Variants in HMCN2 observed in about 807,000 individuals in gnomAD.
HMCN2 encodes the protein hemicentin-2.
In HMCN2, 325 loss-of-function variants were observed where a neutral mutation model predicts 377.5. The ratio of observed to expected loss-of-function variants is 0.86; its 90% CI spans 0.79 to 0.94. HMCN2 has a LOEUF of 0.94. Among genes scored for constraint, HMCN2 ranks in the 40% least tolerant of loss-of-function variants. HMCN2 has a pLI of 0.00. For missense variants in HMCN2, 4,543 were observed against 4,725.3 expected, an observed-to-expected ratio of 0.96 and a Z score of 1.13; for synonymous variants, 2,007 against 2,046.8, an observed-to-expected ratio of 0.98 and a Z score of 0.53.
chr9:130,384,945 G>C, intron 59 of HMCN2, 147 bp downstream of exon 59: 2 of 426,406 alleles, frequency 4.7e-6, no homozygotes, highest in Non-Finnish European at 8.5e-6. Flanking sequence ...CTGAGGAGGG[G>C]GAGCAGTGGG....
At chr9:130,273,823 CCACT>C in intron 1 of HMCN2, among the ~76,000 whole-genome samples, 1 of 152,122 alleles carries the variant, frequency 6.6e-6, no homozygotes, top group East Asian at 1.9e-4. Flanking sequence ...TGATTTTGCA[CCACT>C]CATTGTATGA....
chr9:130,410,059 C>T (rs770215428), intron 84 of HMCN2, among the ~76,000 whole-genome samples: 1 of 152,244 alleles, frequency 6.6e-6, no homozygotes, highest in Non-Finnish European at 1.5e-5. Context: ...CACACTGGCA[C>T]AATAAATGCC....
intron 1 of HMCN2, among the ~76,000 whole-genome samples, chr9:130,272,736 T>A (rs568179340): frequency 1.3e-5 from 2 of 152,166 alleles, no homozygotes; most frequent in African/African-American, 4.8e-5. Flanking sequence ...GTATATATAT[T>A]TGGTAGAGAC....
At chr9:130,331,377 TG>T (rs1256707760) in intron 22 of HMCN2, among the ~76,000 whole-genome samples, 33 of 152,312 alleles carry the variant, frequency 2.2e-4, no homozygotes, top group African/African-American at 7.5e-4. Flanking sequence ...GAATGGTCAC[TG>T]AGTGCTTCTT....
intron 8 of HMCN2, among the ~76,000 whole-genome samples, chr9:130,301,606 CAGCCGAGGACGTGGCTGGATGG>C (rs1215162431): frequency 6.6e-6 from 1 of 152,222 alleles, no homozygotes; most frequent in Non-Finnish European, 1.5e-5. Context: ...GCTTTGCACA[CAGCCGAGGACGTGGCTGGATGG>C]TCAGACACCC....
chr9:130,397,729 C>T (rs1260229833), intron 74 of HMCN2, 74 bp downstream of exon 74: 42 of 1,243,096 alleles, frequency 3.4e-5, no homozygotes, highest in Non-Finnish European at 4.2e-5. Context: ...CTGAGTCACC[C>T]CAGCTGTAGG....
intron 32 of HMCN2, among the ~76,000 whole-genome samples, 200 bp from the exon 33 acceptor site, chr9:130,355,546 C>G (rs1205465677): frequency 6.6e-6 from 1 of 152,184 alleles, no homozygotes; most frequent in Non-Finnish European, 1.5e-5. Context: ...AATAATTAGG[C>G]CCAAGCCTTT....
chr9:130,346,049 A>T (rs1383867327), intron 25 of HMCN2, among the ~76,000 whole-genome samples: 24 of 152,182 alleles, frequency 1.6e-4, no homozygotes, highest in Admixed American at 1.2e-3. Context: ...GATGATAATC[A>T]GTGTTAGCTA....
intron 85 of HMCN2, among the ~76,000 whole-genome samples, chr9:130,416,722 C>T (rs889345307): frequency 8.5e-5 from 13 of 152,068 alleles, no homozygotes; most frequent in African/African-American, 3.1e-4. Flanking sequence ...ACATGTGTTC[C>T]ACTTTAGGAC....
Position 130,317,467 on chromosome 9 carries a change from ATCTCTCTCTC to A in HMCN2, c.2351-1998_2351-1989del, listed in dbSNP as rs1177875902. Among the ~76,000 whole-genome samples the A allele has an allele frequency of 2.6e-3, 316 of 123,426 alleles. 2 individuals are homozygous for A. Among genetic ancestry groups the A allele is most frequent in the South Asian group, 0.022 (71 of 3,168 alleles). The allele number at this position is 123,426 out of a possible 152,430, so 81.0% of individuals were successfully genotyped here. A position where few individuals can be genotyped will look rare whatever the true frequency, so the allele number is the denominator to read the frequency against. On this transcript the variant is annotated intron_variant, in intron 15 of 97. Transcript: ENST00000683500. ...GCCTAGATGATAGCGAGACCCCACC[ATCTCTCTCTC>A]TCTCTCTCTCTCTCTCTCTCTCTCT... is the stretch of plus-strand genomic sequence containing the variant.
At chr9:130,421,314 G>A (rs1008770196) in intron 86 of HMCN2, among the ~76,000 whole-genome samples, 15 of 152,152 alleles carry the variant, frequency 9.9e-5, no homozygotes, top group African/African-American at 2.7e-4. Context: ...ACCGTGCTGC[G>A]TATCTTTGTG....
At chr9:130,329,022 T>C (rs1838286208) in intron 22 of HMCN2, among the ~76,000 whole-genome samples, 1 of 152,198 alleles carries the variant, frequency 6.6e-6, no homozygotes, top group Non-Finnish European at 1.5e-5. Context: ...TACTGTATCA[T>C]TCGCTTATTT....
chr9:130,405,980 G>C lies in HMCN2; in HGVS notation c.12365G>C (p.Cys4122Ser). Residue 4122 changes from cysteine (C) to serine (S), a missense_variant, in exon 82 of 98, where the codon TGT (cysteine) becomes TCT (serine). This residue lies in a region of HMCN2 where 1,073 missense variants were observed against 1,319.5 expected (regional missense o/e 0.81). Coordinates refer to ENST00000683500, the MANE Select transcript of HMCN2 (RefSeq NM_001291815.2). The part of the protein sequence containing the change: ...LEGQDAGTYT[C>S]TAENAVGRAR... ...GGCCAGGACGCAGGCACCTATACCT[G>C]TACCGCTGAGAACGCCGTGGGCCGG... The C allele has an allele frequency of 7.8e-7, 1 of 1,289,438 alleles. No individual in the cohort carries two copies. The allele number at this position is 1,289,438 out of a possible 1,614,324, so 79.9% of individuals were successfully genotyped here.
chr9:130,332,529 G>A (rs1420325759), intron 22 of HMCN2, among the ~76,000 whole-genome samples: 2 of 152,232 alleles, frequency 1.3e-5, no homozygotes, highest in Non-Finnish European at 2.9e-5. Flanking sequence ...AGCTGTGGCT[G>A]GCGTCAGCAC....
chr9:130,399,543 C>T lies in HMCN2; in HGVS notation c.11516C>T (p.Ala3839Val), dbSNP rs576115464. The change falls in exon 76 of 98, where the codon GCC (alanine) becomes GTC (valine). Residue 3839 changes from alanine to valine, a missense_variant. By Grantham distance (64) the Ala-to-Val change is moderately conservative (BLOSUM62 0). Coordinates refer to ENST00000683500, the MANE Select transcript of HMCN2 (RefSeq NM_001291815.2). Reference protein sequence around the residue: ...LLPSNALLLTAPGPQDSAQFE... With the variant: ...LLPSNALLLTVPGPQDSAQFE... ...CCCTCCAACGCCCTGCTCCTCACGGCCCCCGGCCCCCAGGACTCAGCCCAG... is the reference window on the plus strand; with the variant it reads ...CCCTCCAACGCCCTGCTCCTCACGGTCCCCGGCCCCCAGGACTCAGCCCAG... The T allele has an allele frequency of 1.0e-5, 13 of 1,287,282 alleles. 1 individual carries two copies. The South Asian group carries it at 1.4e-4, about 14-fold the overall frequency. The allele number at this position is 1,287,282 out of a possible 1,614,324, so 79.7% of individuals were successfully genotyped here.
intron 46 of HMCN2, among the ~76,000 whole-genome samples, 167 bp downstream of exon 46, chr9:130,371,298 G>A (rs2131597456): frequency 6.6e-6 from 1 of 152,272 alleles, no homozygotes; most frequent in Non-Finnish European, 1.5e-5. Context: ...CTAGTCAGGT[G>A]AGGTGCTCCA....
intron 82 of HMCN2, 120 bp from the exon 83 acceptor site, chr9:130,407,451 C>A: frequency 1.1e-6 from 1 of 895,594 alleles, no homozygotes; most frequent in Non-Finnish European, 1.5e-6. Flanking sequence ...ATTTGATCAA[C>A]CTTCACCCGG....
At chr9:130,432,312 G>A in intron 96 of HMCN2, 117 bp from the exon 97 acceptor site, 2 of 921,770 alleles carry the variant, frequency 2.2e-6, no homozygotes, top group Non-Finnish European at 3.4e-6. Flanking sequence ...GGGACAAAGG[G>A]AGAAGGGCTG....
chr9:130,327,157 C>A (rs945478851), intron 21 of HMCN2, among the ~76,000 whole-genome samples, 153 bp from the exon 22 acceptor site: 11 of 152,212 alleles, frequency 7.2e-5, no homozygotes, highest in South Asian at 4.2e-4. Flanking sequence ...GGACTCCCCC[C>A]CTTCTGACAG....
Sources: gnomAD v4.1 joint callset for allele counts (sites outside exome capture counted in the v4.1 genomes callset) on GRCh38, gnomAD v4.1.1 for gene constraint, gnomAD v4.1.1 regional missense constraint, MANE v1.5 for transcripts, NCBI Gene and HGNC (gene_info 2026-07-23, HGNC 2026-07-21) for gene names.